Variants in ADGRL3 observed in about 807,000 individuals in gnomAD.
ADGRL3 encodes adhesion G protein-coupled receptor L3, also known as calcium-independent alpha-latrotoxin receptor 3.
Under a neutral mutation model 153.5 loss-of-function variants are expected in ADGRL3, and 62 were observed. That is an observed-to-expected ratio of 0.40 (90% confidence interval 0.33 to 0.50). The LOEUF is 0.50. Ranked by LOEUF, ADGRL3 falls within the 20% of genes least tolerant of loss-of-function variation. ADGRL3 has a pLI of 0.47. For missense variants in ADGRL3, 1,641 were observed against 1,859.4 expected (o/e 0.88, Z 2.16); for synonymous variants, 710 against 672.5 (o/e 1.06, Z -0.86).
chr4:61,972,719 A>C (rs915283019), intron 17 of ADGRL3, among the ~76,000 whole-genome samples: 3 of 152,018 alleles, frequency 2.0e-5, no homozygotes, highest in Non-Finnish European at 4.4e-5. Context: ...CTTGATGGGG[A>C]TGGCATTGAA....
At chr4:61,342,626 C>G (rs189078936) in intron 1 of ADGRL3, among the ~76,000 whole-genome samples, 2 of 152,232 alleles carry the variant, frequency 1.3e-5, no homozygotes, top group Non-Finnish European at 2.9e-5. Flanking sequence ...CCATCTGGCT[C>G]TCCAACCTTC....
intron 4 of ADGRL3, among the ~76,000 whole-genome samples, chr4:61,551,636 G>T (rs2098740944): frequency 6.6e-6 from 1 of 152,104 alleles, no homozygotes; most frequent in African/African-American, 2.4e-5. Context: ...CCCTTGGGTT[G>T]ATAAATCTCT....
At position 62,001,314 on chromosome 4, in the gene ADGRL3, C is replaced by T. The variant is rs138143743; in HGVS notation, c.3395+3049C>T. The stretch of plus-strand genomic sequence containing the variant: ...AGCCACACAGGAGGATCCGTTTCCA[C>T]TGAGACTGGATGGAATAAATAACAA... On this transcript the variant is annotated intron_variant, in intron 21 of 26. Coordinates refer to ENST00000683033, the MANE Select transcript of ADGRL3 (RefSeq NM_001387552.1). Among the ~76,000 whole-genome samples the T allele has an allele frequency of 1.2e-4, 18 of 152,182 alleles. No homozygotes were observed. The East Asian group carries it at 3.5e-3, about 29-fold the overall frequency.
At chr4:61,253,531 T>C (rs548493532) in intron 1 of ADGRL3, among the ~76,000 whole-genome samples, 3 of 152,204 alleles carry the variant, frequency 2.0e-5, no homozygotes, top group South Asian at 4.2e-4. Context: ...CCAAGAGGAA[T>C]TGTTGTCTGA....
intron 2 of ADGRL3, among the ~76,000 whole-genome samples, chr4:61,424,727 C>T (rs1425643995): frequency 6.6e-6 from 1 of 152,186 alleles, no homozygotes; most frequent in Non-Finnish European, 1.5e-5. Context: ...GTTTGATCAA[C>T]CTCATTGGTT....
chr4:61,747,289 A>G (rs966503462), intron 8 of ADGRL3, among the ~76,000 whole-genome samples: 235 of 150,440 alleles, frequency 1.6e-3, no homozygotes, highest in Non-Finnish European at 2.4e-3. Context: ...ACAAGGAGGA[A>G]CTGGTACCAT....
Position 61,959,589 on chromosome 4 carries a change from C to T in ADGRL3, c.2805+11313C>T, listed in dbSNP as rs557136376. ...AGTCACAGTTTGGAACATTTTAATT[C>T]CATACCATGGATTCTGTGTGTTGAA... On this transcript the variant is annotated intron_variant, in intron 17 of 26. Coordinates refer to ENST00000683033, the MANE Select transcript of ADGRL3 (RefSeq NM_001387552.1). Among the ~76,000 whole-genome samples, 30 of 152,188 alleles carry T rather than the reference C, an allele frequency of 2.0e-4. 1 individual carries two copies. In the South Asian group the frequency reaches 5.6e-3, roughly 28 times the overall value.
chr4:61,372,420 C>G (rs1195532770), intron 1 of ADGRL3, among the ~76,000 whole-genome samples: 1 of 151,776 alleles, frequency 6.6e-6, no homozygotes, highest in Admixed American at 6.6e-5. Context: ...TGTGGATGTC[C>G]TTTCTGTTTG....
intron 2 of ADGRL3, among the ~76,000 whole-genome samples, chr4:61,411,511 T>TGCAA (rs2097087447): frequency 6.6e-6 from 1 of 152,204 alleles, no homozygotes; most frequent in Non-Finnish European, 1.5e-5. Context: ...TTAAATAGCT[T>TGCAA]GCCCAATTTT....
intron 6 of ADGRL3, among the ~76,000 whole-genome samples, chr4:61,707,815 C>T (rs2095881418): frequency 6.6e-6 from 1 of 152,028 alleles, no homozygotes; most frequent in Admixed American, 6.6e-5. Context: ...TGTTCTGAGA[C>T]CCCCTGATGA....
chr4:61,430,859 G>A (rs1201987938), intron 2 of ADGRL3, among the ~76,000 whole-genome samples: 3 of 152,094 alleles, frequency 2.0e-5, no homozygotes, highest in African/African-American at 7.2e-5. Context: ...GCATATTTTG[G>A]TATTAAGGAT....
At chr4:62,039,048 C>T (rs1726717285) in intron 24 of ADGRL3, among the ~76,000 whole-genome samples, 1 of 152,050 alleles carries the variant, frequency 6.6e-6, no homozygotes, top group Non-Finnish European at 1.5e-5. Flanking sequence ...TCTTTTAGCT[C>T]AACCTATATA....
At chr4:61,488,581 C>A (rs1394624499) in intron 2 of ADGRL3, among the ~76,000 whole-genome samples, 1 of 151,966 alleles carries the variant, frequency 6.6e-6, no homozygotes, top group Non-Finnish European at 1.5e-5. Context: ...GAACTACTCT[C>A]CCTACTCCCA....
intron 9 of ADGRL3, among the ~76,000 whole-genome samples, chr4:61,849,026 G>A (rs1019324621): frequency 1.3e-5 from 2 of 152,126 alleles, no homozygotes; most frequent in Non-Finnish European, 2.9e-5. Context: ...AATAGGAAGT[G>A]TATACATTTT....
intron 2 of ADGRL3, chr4:61,420,807 A>AAAAAGT (rs1002335377): frequency 6.6e-6 from 1 of 151,188 alleles, no homozygotes; most frequent in African/African-American, 2.4e-5. Context: ...AAAAAAAAAA[A>AAAAAGT]GTCTACTTAC....
chr4:61,290,681 AGGAAGGAG>A (rs1286147246), intron 1 of ADGRL3, among the ~76,000 whole-genome samples: 229 of 150,006 alleles, frequency 1.5e-3, no homozygotes, highest in Middle Eastern at 0.01. Context: ...GAAGGAAGGA[AGGAAGGAG>A]GGAAGGAGGG....
Position 61,849,632 on chromosome 4 carries a change from T to C in ADGRL3, c.1480+35743T>C, listed in dbSNP as rs17090549. ...ACTGTAATCCATTTTACATATAAAC[T>C]ATGTGGAGCATTTAGAAACAGTTCT... On this transcript the variant is annotated intron_variant, in intron 9 of 26. Transcript: ENST00000683033. Among the ~76,000 whole-genome samples, 505 of 152,230 alleles carry C rather than the reference T, an allele frequency of 3.3e-3. 3 individuals are homozygous for C. The highest frequency in any genetic ancestry group is 0.012 in the African/African-American group (489 of 41,560).
At chr4:61,821,011 T>A (rs572691675) in intron 9 of ADGRL3, among the ~76,000 whole-genome samples, 1 of 152,192 alleles carries the variant, frequency 6.6e-6, no homozygotes, top group Admixed American at 6.5e-5. Flanking sequence ...GAGGTTTACA[T>A]ATACCAGTTG....
intron 6 of ADGRL3, among the ~76,000 whole-genome samples, chr4:61,694,533 T>C (rs2095606194): frequency 6.6e-6 from 1 of 152,200 alleles, no homozygotes; most frequent in Non-Finnish European, 1.5e-5. Flanking sequence ...ACCTTATTGC[T>C]AAAATGTGGT....
Sources: allele counts gnomAD v4.1 joint callset (sites outside exome capture counted in the v4.1 genomes callset), GRCh38; gene constraint gnomAD v4.1.1; transcripts MANE v1.5; gene names NCBI Gene and HGNC (gene_info 2026-07-23, HGNC 2026-07-21).